The following AHI1 variants were observed in gnomAD, a reference collection of about 807,000 sequenced individuals.
AHI1 encodes the protein Abelson helper integration site 1, also known as jouberin.
In AHI1, 123 loss-of-function variants were observed where a neutral mutation model predicts 149.3. The ratio of observed to expected loss-of-function variants is 0.82; its 90% CI spans 0.71 to 0.96. The LOEUF (loss-of-function observed/expected upper bound fraction) is 0.96. Among genes scored for constraint, AHI1 ranks in the 40% least tolerant of loss-of-function variants. The probability of loss-of-function intolerance (pLI) is 0.00; values close to 1 mark genes in which losing one functional copy is unlikely to be tolerated. For missense variants in AHI1, 1,439 were observed against 1,422.7 expected (o/e 1.01, Z -0.18); for synonymous variants, 475 against 459.8 (o/e 1.03, Z -0.42).
At chr6:135,408,336 C>T (rs1287163620) in intron 21 of AHI1, among the ~76,000 whole-genome samples, 1 of 151,956 alleles carries the variant, frequency 6.6e-6, no homozygotes, top group African/African-American at 2.4e-5. Flanking sequence ...ATATGTTTCT[C>T]TTCATCTTTA....
intron 7 of AHI1, among the ~76,000 whole-genome samples, chr6:135,465,219 AT>A (rs1368226069): frequency 3.3e-5 from 5 of 152,170 alleles, no homozygotes; most frequent in Non-Finnish European, 7.4e-5. Context: ...GTTAAAAAGC[AT>A]TTTTACCTTA....
rs199766383 is a variant in AHI1, at chr6:135,442,632, C to T, written c.1862G>A (p.Gly621Glu). 2 of 1,609,664 alleles carry T rather than the reference C, an allele frequency of 1.2e-6. No homozygotes were observed. Among genetic ancestry groups the T allele is most frequent in the African/African-American group, 1.3e-5 (1 of 74,954 alleles). The change falls in exon 14 of 29, where the codon GGA becomes GAA. Residue 621 changes from glycine to glutamate, a missense_variant. Gly to Glu is a moderately conservative substitution (Grantham distance 98). Transcript: ENST00000265602. ...GCFCLDFSHNGRILAAACASR... is the reference protein window; with the variant it reads ...GCFCLDFSHNERILAAACASR... ...GGCACAAGCTGCTGCTAATATTCTT[C>T]CATTGTGGGAGAAATCAAGACAAAA...
chr6:135,439,762 G>C (rs1785982047), intron 14 of AHI1, among the ~76,000 whole-genome samples: 1 of 152,172 alleles, frequency 6.6e-6, no homozygotes, highest in Non-Finnish European at 1.5e-5. Flanking sequence ...GAAAGCATGA[G>C]CATACATGTG....
chr6:135,368,983 T>C (rs1179218528), intron 23 of AHI1, among the ~76,000 whole-genome samples: 1 of 152,252 alleles, frequency 6.6e-6, no homozygotes, highest in Non-Finnish European at 1.5e-5. Context: ...AGAAGTTTCC[T>C]TCTCCTTGTT....
At chr6:135,306,177 T>C (rs78265708) in intron 26 of AHI1, among the ~76,000 whole-genome samples, 3,044 of 152,268 alleles carry the variant, frequency 0.02, 98 homozygotes, top group African/African-American at 0.069. Context: ...AAGTATGTGT[T>C]AAATGAATAA....
At chr6:135,311,470 T>C (rs912528659) in intron 26 of AHI1, among the ~76,000 whole-genome samples, 1 of 152,138 alleles carries the variant, frequency 6.6e-6, no homozygotes, top group Admixed American at 6.5e-5. Flanking sequence ...GCATAAATAT[T>C]AGCAGGACAG....
intron 20 of AHI1, 111 bp downstream of exon 20, chr6:135,427,056 A>C: frequency 9.5e-7 from 1 of 1,057,690 alleles, no homozygotes; most frequent in Non-Finnish European, 1.4e-6. Context: ...ACATAAGGGC[A>C]CAATTATTAT....
In AHI1 at chr6:135,466,152, A is replaced by G. The variant is rs751940045; in HGVS notation, c.411T>C (p.Thr137=). 1.2e-6 allele frequency: 2 copies of G among 1,613,856 alleles called. No individual in the cohort carries two copies. Among genetic ancestry groups the G allele is most frequent in the Admixed American group, 1.7e-5 (1 of 59,992 alleles). Residue 137 remains threonine (T), a synonymous_variant, in exon 7 of 29, where the codon ACT becomes ACC. Coordinates refer to ENST00000265602, the MANE Select transcript of AHI1 (RefSeq NM_001134831.2). ...KKVIKTVPQL[T]TQDLKPETPE... ...GAGTTTCCGGTTTCAGGTCTTGTGTAGTCAACTGGGGCACCGTCTTTATCA... is the reference window on the plus strand; with the variant it reads ...GAGTTTCCGGTTTCAGGTCTTGTGTGGTCAACTGGGGCACCGTCTTTATCA...
chr6:135,333,741 G>A (rs1299692291), intron 24 of AHI1, among the ~76,000 whole-genome samples: 1 of 152,164 alleles, frequency 6.6e-6, no homozygotes, highest in Non-Finnish European at 1.5e-5. Flanking sequence ...TCAAGAGAAT[G>A]AGTTTCCAGT....
At chr6:135,341,636 C>A (rs1159683933) in intron 24 of AHI1, among the ~76,000 whole-genome samples, 1 of 151,864 alleles carries the variant, frequency 6.6e-6, no homozygotes, top group African/African-American at 2.4e-5. Context: ...AAAGTATGTT[C>A]TCCAACCATG....
intron 5 of AHI1, among the ~76,000 whole-genome samples, chr6:135,471,589 T>C (rs901860628): frequency 1.3e-5 from 2 of 152,212 alleles, no homozygotes; most frequent in African/African-American, 4.8e-5. Flanking sequence ...TGTTTGAATT[T>C]TGAAACGTCC....
At chr6:135,455,999 A>C (rs1245500280) in intron 9 of AHI1, 73 bp from the exon 10 acceptor site, 18 of 989,438 alleles carry the variant, frequency 1.8e-5, no homozygotes, top group Non-Finnish European at 2.5e-5. Flanking sequence ...TATAGTGTAC[A>C]AGGTGAGGCA....
chr6:135,312,470 C>T (rs1358503445), intron 26 of AHI1, among the ~76,000 whole-genome samples: 2 of 152,058 alleles, frequency 1.3e-5, no homozygotes. Flanking sequence ...GCTGAGATCT[C>T]ACCACTGTAC....
intron 26 of AHI1, chr6:135,302,117 G>C: frequency 2.0e-6 from 2 of 981,450 alleles, no homozygotes; most frequent in Non-Finnish European, 2.4e-6. Flanking sequence ...TCAGCCTTCT[G>C]AGTTGCTGGG....
At chr6:135,326,605 G>T (rs916815642) in intron 24 of AHI1, among the ~76,000 whole-genome samples, 2 of 151,802 alleles carry the variant, frequency 1.3e-5, no homozygotes, top group East Asian at 3.9e-4. Context: ...CTCTTGCCCA[G>T]GCTGGAGTGC....
intron 16 of AHI1, among the ~76,000 whole-genome samples, chr6:135,431,529 T>C (rs1211281663): frequency 6.6e-6 from 1 of 152,162 alleles, no homozygotes; most frequent in African/African-American, 2.4e-5. Context: ...TAAATTATTT[T>C]TGATGACTTC....
chr6:135,391,459 C>A (rs1778473503), intron 23 of AHI1, among the ~76,000 whole-genome samples: 1 of 152,184 alleles, frequency 6.6e-6, no homozygotes, highest in African/African-American at 2.4e-5. Flanking sequence ...AATGATGTCA[C>A]TGATCTGACA....
In AHI1 at chr6:135,465,858, C is replaced by T. The variant is rs766158991; in HGVS notation, c.705G>A (p.Arg235=). ...AGACTGGAACTTCCTTTTTCTTTTT[C>T]CTTTTTTCACTGCTTAGTTTGTCAT... The part of the protein sequence containing the change: ...FHDDKLSSEK[R]KKKKEVPVFS... The change falls in exon 7 of 29, where the codon AGG becomes AGA. Residue 235 remains arginine (R), a synonymous_variant. Coordinates refer to ENST00000265602, the MANE Select transcript of AHI1 (RefSeq NM_001134831.2). 9 of 1,486,298 alleles carry T rather than the reference C, an allele frequency of 6.1e-6. No homozygotes were observed. The highest frequency in any genetic ancestry group is 1.8e-4 in the Middle Eastern group (1 of 5,438). The allele number at this position is 1,486,298 out of a possible 1,614,324, so 92.1% of individuals were successfully genotyped here.
At chr6:135,477,412 C>T (rs529111928) in intron 5 of AHI1, among the ~76,000 whole-genome samples, 1 of 152,216 alleles carries the variant, frequency 6.6e-6, no homozygotes, top group African/African-American at 2.4e-5. Context: ...GGCTTTTTAG[C>T]TATCCTTTTA....
Sources: allele counts gnomAD v4.1 joint callset (sites outside exome capture counted in the v4.1 genomes callset), GRCh38; gene constraint gnomAD v4.1.1; transcripts MANE v1.5; gene names NCBI Gene and HGNC (gene_info 2026-07-23, HGNC 2026-07-21).